The following CYP2J2 variants were observed in gnomAD, a reference collection of about 807,000 sequenced individuals.
CYP2J2 encodes the protein cytochrome P450 family 2 subfamily J member 2, also known as cytochrome P450 2J2.
In CYP2J2, 41 loss-of-function variants were observed where a neutral mutation model predicts 48.8. That is an observed-to-expected ratio of 0.84 (90% confidence interval 0.66 to 1.09). The LOEUF is 1.09. Ranked by LOEUF, CYP2J2 falls within the 50% of genes least tolerant of loss-of-function variation. CYP2J2 has a pLI of 0.00. For synonymous variants in CYP2J2, 221 were observed against 227.1 expected, an observed-to-expected ratio of 0.97 and a Z score of 0.24; for missense variants, 644 against 617.3, an observed-to-expected ratio of 1.04 and a Z score of -0.46.
the CYP2J2 span, among the ~76,000 whole-genome samples, chr1:59,968,204 C>A: frequency 6.6e-6 from 1 of 152,134 alleles, no homozygotes; most frequent in African/African-American, 2.4e-5. Context: ...AGAAAAGTTT[C>A]TTTAAAACAG....
At chr1:59,947,971 T>C in the CYP2J2 span, among the ~76,000 whole-genome samples, 2 of 152,172 alleles carry the variant, frequency 1.3e-5, no homozygotes, top group South Asian at 4.1e-4. Flanking sequence ...TTGGGAAGAA[T>C]GCAATGGTTC....
Position 59,909,848 on chromosome 1 carries a change from C to A in CYP2J2, c.797G>T (p.Arg266Ile). 6.2e-7 allele frequency: 1 copy of A among 1,611,194 alleles called. No individual in the cohort carries two copies. Among genetic ancestry groups the A allele is most frequent in the Non-Finnish European group, 8.5e-7 (1 of 1,179,006 alleles). ...LFVSHMIDKH[R>I]KDWNPAETRD... is the part of the protein sequence containing the mutation. ...TGTTTCTGCAGGATTCCAATCCTTT[C>A]TGTGTTTGTCAATCATATGAGAAAC... The change falls in exon 5 of 9, where the codon AGA (arginine) becomes ATA (isoleucine). Residue 266 changes from arginine (R) to isoleucine (I), a missense_variant. Transcript: ENST00000371204.
At chr1:59,904,754 G>A (rs2102113733) in intron 7 of CYP2J2, 117 bp downstream of exon 7, 1 of 828,304 alleles carries the variant, frequency 1.2e-6, no homozygotes. Flanking sequence ...TATTATATCA[G>A]GTATAAGATA....
chr1:59,906,324 C>T (rs1183647287), intron 6 of CYP2J2, among the ~76,000 whole-genome samples: 5 of 152,158 alleles, frequency 3.3e-5, no homozygotes, highest in Admixed American at 6.5e-5. Flanking sequence ...CTTTTGCTTC[C>T]TACTGGTGGA....
intron 8 of CYP2J2, among the ~76,000 whole-genome samples, chr1:59,897,255 A>G (rs1040802034): frequency 6.6e-6 from 1 of 152,248 alleles, no homozygotes; most frequent in Non-Finnish European, 1.5e-5. Flanking sequence ...AAAAGAATCC[A>G]TATATCATGA....
chr1:59,906,564 G>T (rs1180554544), intron 6 of CYP2J2, among the ~76,000 whole-genome samples: 3 of 151,990 alleles, frequency 2.0e-5, no homozygotes, highest in Non-Finnish European at 4.4e-5. Context: ...TAAATGAACA[G>T]TTCAGTAGTA....
chr1:59,920,714 G>A (rs1401894674), intron 1 of CYP2J2, among the ~76,000 whole-genome samples: 1 of 152,122 alleles, frequency 6.6e-6, no homozygotes, highest in Non-Finnish European at 1.5e-5. Context: ...GTAAGGGAGT[G>A]CTTAAGAGTT....
chr1:59,923,357 C>T lies in CYP2J2; in HGVS notation c.210+3180G>A, dbSNP rs140130616. ...TAGGCTATATGCTAAAATAAAAGAT[C>T]TGTATAGTATCCAGGGTAAGTCTTA... On this transcript the variant is annotated intron_variant, in intron 1 of 8. Transcript: ENST00000371204. 2.7e-3 allele frequency among the ~76,000 whole-genome samples: 414 copies of T among 152,334 alleles called. 2 individuals are homozygous for T. The highest frequency in any genetic ancestry group is 8.6e-3 in the African/African-American group (357 of 41,574).
At chr1:59,960,770 G>A in the CYP2J2 span, among the ~76,000 whole-genome samples, 1 of 152,152 alleles carries the variant, frequency 6.6e-6, no homozygotes, top group Non-Finnish European at 1.5e-5. Flanking sequence ...TTGAACCTGG[G>A]AGGCGGAGGT....
the CYP2J2 span, among the ~76,000 whole-genome samples, chr1:59,947,583 T>A: frequency 6.6e-6 from 1 of 152,134 alleles, no homozygotes; most frequent in Non-Finnish European, 1.5e-5. Context: ...CTTGGCTGTT[T>A]TCATGTTTCT....
chr1:59,899,880 C>T (rs1418747489), intron 8 of CYP2J2, among the ~76,000 whole-genome samples: 1 of 152,002 alleles, frequency 6.6e-6, no homozygotes, highest in East Asian at 1.9e-4. Flanking sequence ...AATAGATGCT[C>T]AATAAATATT....
At chr1:59,958,482 T>C in the CYP2J2 span, among the ~76,000 whole-genome samples, 1 of 151,976 alleles carries the variant, frequency 6.6e-6, no homozygotes, top group African/African-American at 2.4e-5. Flanking sequence ...TCCCAGGTCC[T>C]GGTATCACTG....
the CYP2J2 span, among the ~76,000 whole-genome samples, chr1:59,943,266 CT>C: frequency 6.6e-6 from 1 of 152,042 alleles, no homozygotes; most frequent in African/African-American, 2.4e-5. Flanking sequence ...TCTGCCAAAG[CT>C]TAGAAGTAGA....
At chr1:59,957,713 A>C in the CYP2J2 span, among the ~76,000 whole-genome samples, 7 of 151,892 alleles carry the variant, frequency 4.6e-5, no homozygotes, top group African/African-American at 1.4e-4. Context: ...CCACACACAC[A>C]CACCACACAC....
chr1:59,945,984 C>T, the CYP2J2 span, among the ~76,000 whole-genome samples: 3 of 152,214 alleles, frequency 2.0e-5, no homozygotes, highest in African/African-American at 7.2e-5. Context: ...ATGGCAAAAG[C>T]CTGCTTTAAC....
At chr1:59,913,066 A>G (rs557899361) in intron 2 of CYP2J2, 21 of 152,246 alleles carry the variant, frequency 1.4e-4, no homozygotes, top group African/African-American at 4.8e-4. Flanking sequence ...CTGCTCACCC[A>G]CTGAATTGGT....
chr1:59,905,155 A>T (rs747761489), intron 6 of CYP2J2, 97 bp from the exon 7 acceptor site: 7 of 1,229,910 alleles, frequency 5.7e-6, no homozygotes, highest in Admixed American at 5.2e-5. Flanking sequence ...TTGTATTTCA[A>T]TTAGTGACCA....
At chr1:59,900,897 C>T in intron 8 of CYP2J2, 68 bp downstream of exon 8, 1 of 1,544,264 alleles carries the variant, frequency 6.5e-7, no homozygotes, top group South Asian at 1.2e-5. Context: ...CAAGGGAAAA[C>T]AGGAGAGAGC....
chr1:59,945,931 GCTAGCATCTTTTCA>G, the CYP2J2 span, among the ~76,000 whole-genome samples: 1 of 152,154 alleles, frequency 6.6e-6, no homozygotes, highest in Non-Finnish European at 1.5e-5. Context: ...TGCCTCCACT[GCTAGCATCTTTTCA>G]CAAATCATCC....
Sources: allele counts gnomAD v4.1 joint callset (sites outside exome capture counted in the v4.1 genomes callset), GRCh38; gene constraint gnomAD v4.1.1; transcripts MANE v1.5; gene names NCBI Gene and HGNC (gene_info 2026-07-23, HGNC 2026-07-21).